The following MAD1L1 variants were observed in gnomAD, a reference collection of about 807,000 sequenced individuals.
MAD1L1 encodes the protein mitotic arrest deficient 1 like 1, also known as mitotic spindle assembly checkpoint protein MAD1.
In MAD1L1, 95 loss-of-function variants were observed where a neutral mutation model predicts 96.9. That is an observed-to-expected ratio of 0.98 (90% confidence interval 0.83 to 1.16). The LOEUF is 1.16. Among genes scored for constraint, MAD1L1 ranks in the 50% most tolerant of loss-of-function variants. The probability of loss-of-function intolerance (pLI) is 0.00; values close to 1 mark genes in which losing one functional copy is unlikely to be tolerated. For synonymous variants in MAD1L1, 473 were observed against 396.6 expected (o/e 1.19, Z -2.29); for missense variants, 1,007 against 954.4 (o/e 1.06, Z -0.73).
intron 11 of MAD1L1, 90 bp from the exon 12 acceptor site, chr7:2,069,428 G>A: frequency 7.6e-7 from 1 of 1,318,118 alleles, no homozygotes; most frequent in Admixed American, 3.0e-5. Context: ...AGCCCACCAG[G>A]ACATCCTAAA....
chr7:2,015,154 C>T (rs1156423977), intron 12 of MAD1L1, among the ~76,000 whole-genome samples: 1 of 152,200 alleles, frequency 6.6e-6, no homozygotes, highest in Non-Finnish European at 1.5e-5. Flanking sequence ...CTGCCCGGAC[C>T]TGTCGAGGGA....
intron 11 of MAD1L1, among the ~76,000 whole-genome samples, chr7:2,102,335 C>CACCGTCACT: frequency 6.6e-6 from 1 of 150,870 alleles, no homozygotes; most frequent in East Asian, 2.0e-4. Flanking sequence ...TCACCATCAC[C>CACCGTCACT]ATCACCACCG....
At chr7:2,120,956 G>A (rs1011816835) in intron 11 of MAD1L1, among the ~76,000 whole-genome samples, 1 of 152,180 alleles carries the variant, frequency 6.6e-6, no homozygotes, top group Non-Finnish European at 1.5e-5. Context: ...GACCTGACGT[G>A]GGGAGGCCCA....
intron 11 of MAD1L1, among the ~76,000 whole-genome samples, chr7:2,109,857 T>C (rs529239636): frequency 4.6e-5 from 7 of 152,390 alleles, no homozygotes; most frequent in Non-Finnish European, 1.0e-4. Context: ...ATACGCTAAT[T>C]ATTCCTTTGA....
chr7:1,869,737 C>T (rs925137686), intron 18 of MAD1L1, among the ~76,000 whole-genome samples: 3 of 152,236 alleles, frequency 2.0e-5, no homozygotes, highest in Non-Finnish European at 2.9e-5. Context: ...CCGAGGACCA[C>T]AGCCTCATGG....
intron 12 of MAD1L1, among the ~76,000 whole-genome samples, chr7:2,057,373 C>G (rs1248072339): frequency 6.6e-6 from 1 of 152,152 alleles, no homozygotes; most frequent in Non-Finnish European, 1.5e-5. Flanking sequence ...AAGAATTCAC[C>G]GGGCATGGTG....
chr7:2,222,455 C>T (rs760174428), intron 5 of MAD1L1, 120 bp downstream of exon 5: 6 of 799,312 alleles, frequency 7.5e-6, no homozygotes, highest in Non-Finnish European at 5.6e-6. Flanking sequence ...ATGTACAAAA[C>T]GCAGCTGCCC....
In MAD1L1 at chr7:1,914,411, G is replaced by C. The variant is rs142879824; in HGVS notation, c.1808-16021C>G. 2.7e-4 allele frequency among the ~76,000 whole-genome samples: 41 copies of C among 152,338 alleles called. No homozygotes were observed. In the East Asian group the frequency reaches 7.7e-3, roughly 29 times the overall value. ...CGTCAGAAAGGGAGGCAGGAAAGTCGGCTAGAGATCCGAAGATGTGCGCTC... is the reference window on the plus strand; with the variant it reads ...CGTCAGAAAGGGAGGCAGGAAAGTCCGCTAGAGATCCGAAGATGTGCGCTC... On this transcript the variant is annotated intron_variant, in intron 17 of 18. Transcript: ENST00000265854.
At chr7:2,104,695 G>A (rs1473703502) in intron 11 of MAD1L1, among the ~76,000 whole-genome samples, 1 of 79,730 alleles carries the variant, frequency 1.3e-5, no homozygotes, top group African/African-American at 2.8e-5. Flanking sequence ...TAACGCCTTT[G>A]AAAACATAAC....
chr7:2,042,170 CAT>C (rs368915950), intron 12 of MAD1L1, among the ~76,000 whole-genome samples: 1,549 of 150,676 alleles, frequency 0.01, 24 homozygotes, highest in African/African-American at 0.037. Context: ...TATGTACACA[CAT>C]ACACATGCAC....
intron 17 of MAD1L1, among the ~76,000 whole-genome samples, chr7:1,914,829 G>A (rs576105869): frequency 6.6e-6 from 1 of 152,206 alleles, no homozygotes; most frequent in African/African-American, 2.4e-5. Flanking sequence ...TGCCCAGGCT[G>A]GTCTCCAACC....
At chr7:1,870,421 T>C (rs1372623766) in intron 18 of MAD1L1, among the ~76,000 whole-genome samples, 8 of 135,890 alleles carry the variant, frequency 5.9e-5, no homozygotes, top group Non-Finnish European at 6.3e-5. Flanking sequence ...GAACCCAACA[T>C]ACTCCTGCCA....
At chr7:2,183,868 G>A (rs1199756635) in intron 10 of MAD1L1, among the ~76,000 whole-genome samples, 2 of 151,642 alleles carry the variant, frequency 1.3e-5, no homozygotes, top group Non-Finnish European at 1.5e-5. Flanking sequence ...AAACCTGCAC[G>A]TTGTGCACAT....
At chr7:2,040,295 C>T (rs1420731440) in intron 12 of MAD1L1, among the ~76,000 whole-genome samples, 4 of 152,356 alleles carry the variant, frequency 2.6e-5, no homozygotes, top group African/African-American at 9.6e-5. Context: ...CTCTGCGGCT[C>T]CATCTCAGCT....
intron 11 of MAD1L1, among the ~76,000 whole-genome samples, chr7:2,075,289 A>C (rs3778939): frequency 0.13 from 19,659 of 152,140 alleles, 2,126 homozygotes; most frequent in African/African-American, 0.29. Flanking sequence ...CTGCCCACCC[A>C]GGCGTGCAGG....
At chr7:2,084,878 C>T (rs1213185052) in intron 11 of MAD1L1, among the ~76,000 whole-genome samples, 2 of 152,178 alleles carry the variant, frequency 1.3e-5, no homozygotes, top group Non-Finnish European at 2.9e-5. Flanking sequence ...GACTCTGTAG[C>T]CTTGTAGAGT....
intron 13 of MAD1L1, among the ~76,000 whole-genome samples, chr7:2,006,586 A>G (rs1236846959): frequency 6.6e-6 from 1 of 151,934 alleles, no homozygotes; most frequent in African/African-American, 2.4e-5. Flanking sequence ...CGCACGGCCC[A>G]GCACAGAAGA....
rs1012550353 is a variant in MAD1L1, at chr7:1,843,276, C to T, written c.1999-27048G>A. Among the ~76,000 whole-genome samples, 4 of 152,214 alleles carry T rather than the reference C, an allele frequency of 2.6e-5. No homozygotes were observed. In the East Asian group the frequency reaches 5.8e-4, roughly 22 times the overall value. On this transcript the variant is annotated intron_variant, in intron 18 of 18. Coordinates refer to ENST00000265854, the MANE Select transcript of MAD1L1 (RefSeq NM_001013836.2). ...GTCTTCCTGGGCCTTACAGGTTCTT[C>T]GGCAGTAAATCAACTAAACGGTAAC...
intron 18 of MAD1L1, among the ~76,000 whole-genome samples, chr7:1,816,712 G>A (rs1196830965): frequency 1.3e-5 from 2 of 152,198 alleles, no homozygotes; most frequent in Middle Eastern, 3.4e-3. Flanking sequence ...GCAGCCCAGA[G>A]GGCGGCCTCC....
Sources: gnomAD v4.1 joint callset for allele counts (sites outside exome capture counted in the v4.1 genomes callset) on GRCh38, gnomAD v4.1.1 for gene constraint, MANE v1.5 for transcripts, NCBI Gene and HGNC (gene_info 2026-07-23, HGNC 2026-07-21) for gene names.